Variants in CADM1 observed in about 807,000 individuals in gnomAD.
The protein encoded by CADM1 is TSLC-1.
In CADM1, 15 loss-of-function variants were observed where a neutral mutation model predicts 53.1. The observed-to-expected ratio is 0.28, with a 90% CI of 0.19 to 0.44. The LOEUF (loss-of-function observed/expected upper bound fraction) is 0.44, where lower values mean the gene tolerates loss of function less well. Among genes scored for constraint, CADM1 ranks in the 20% least tolerant of loss-of-function variants. The pLI is 1.00. For missense variants in CADM1, 434 were observed against 611.3 expected (o/e 0.71, Z 3.06); for synonymous variants, 281 against 243.0 (o/e 1.16, Z -1.45).
At chr11:115,254,454 G>T (rs2134987690) in intron 1 of CADM1, among the ~76,000 whole-genome samples, 1 of 151,712 alleles carries the variant, frequency 6.6e-6, no homozygotes, top group East Asian at 1.9e-4. Context: ...ATTTTCACAA[G>T]ACTCTTGGAA....
At chr11:115,219,250 C>T (rs560351718) in intron 5 of CADM1, among the ~76,000 whole-genome samples, 2 of 152,168 alleles carry the variant, frequency 1.3e-5, no homozygotes, top group South Asian at 2.1e-4. Flanking sequence ...AGAAATATTA[C>T]GGCAAGGCTC....
chr11:115,211,178 T>C (rs976623906), intron 7 of CADM1, among the ~76,000 whole-genome samples: 1 of 127,994 alleles, frequency 7.8e-6, no homozygotes, highest in Non-Finnish European at 1.9e-5. Context: ...ACACTTTTTA[T>C]GGAGGCCACA....
chr11:115,247,624 G>A (rs1429075988), intron 1 of CADM1, among the ~76,000 whole-genome samples: 5 of 152,152 alleles, frequency 3.3e-5, no homozygotes, highest in Non-Finnish European at 4.4e-5. Context: ...GATGCTTAGG[G>A]TGGTGGCTCA....
At chr11:115,454,298 C>A (rs544613460) in intron 1 of CADM1, among the ~76,000 whole-genome samples, 1 of 152,212 alleles carries the variant, frequency 6.6e-6, no homozygotes, top group East Asian at 1.9e-4. Flanking sequence ...CTAAAAATAG[C>A]AGAAGTAAAA....
At chr11:115,190,793 T>C in intron 10 of CADM1, 95 bp downstream of exon 10, 1 of 1,031,108 alleles carries the variant, frequency 9.7e-7, no homozygotes, top group African/African-American at 1.6e-5. Flanking sequence ...AAATCCACAC[T>C]GATTGCTCAG....
chr11:115,218,197 T>G, intron 5 of CADM1: 2 of 565,508 alleles, frequency 3.5e-6, no homozygotes, highest in Non-Finnish European at 6.5e-6. Context: ...CGCAAATAGA[T>G]AAGAGATTCA....
intron 1 of CADM1, among the ~76,000 whole-genome samples, chr11:115,338,877 A>ATTTTTTTTTTTTTTATTTTTTTTTT (rs56300408): frequency 2.4e-4 from 30 of 127,596 alleles, no homozygotes; most frequent in Non-Finnish European, 2.6e-4. Flanking sequence ...TATTTTTTTT[A>ATTTTTTTTTTTTTTATTTTTTTTTT]TTTTTTTTTT....
intron 1 of CADM1, among the ~76,000 whole-genome samples, chr11:115,348,009 G>A (rs1379502216): frequency 6.6e-6 from 1 of 152,136 alleles, no homozygotes; most frequent in Non-Finnish European, 1.5e-5. Flanking sequence ...CATATATTTT[G>A]AGGGAGTGCA....
intron 1 of CADM1, among the ~76,000 whole-genome samples, chr11:115,379,834 A>T (rs1054110685): frequency 6.6e-6 from 1 of 152,196 alleles, no homozygotes; most frequent in Admixed American, 6.5e-5. Context: ...TACAGAAACT[A>T]TATCAGTCAT....
chr11:115,280,868 G>A (rs999997434), intron 1 of CADM1, among the ~76,000 whole-genome samples: 1 of 152,166 alleles, frequency 6.6e-6, no homozygotes, highest in Non-Finnish European at 1.5e-5. Flanking sequence ...GATTAATGAC[G>A]AGGAATTCTA....
intron 1 of CADM1, among the ~76,000 whole-genome samples, chr11:115,447,769 G>A (rs2135340900): frequency 6.6e-6 from 1 of 152,262 alleles, no homozygotes; most frequent in Non-Finnish European, 1.5e-5. Flanking sequence ...ACCTTCTCAT[G>A]AATGGTTTTC....
intron 7 of CADM1, among the ~76,000 whole-genome samples, chr11:115,213,893 C>T (rs1332504696): frequency 1.3e-5 from 2 of 152,060 alleles, no homozygotes; most frequent in Non-Finnish European, 2.9e-5. Context: ...AGGAGGTGCA[C>T]ATCTCAACTA....
intron 1 of CADM1, among the ~76,000 whole-genome samples, chr11:115,368,775 C>A (rs965329360): frequency 6.6e-6 from 1 of 151,984 alleles, no homozygotes; most frequent in Non-Finnish European, 1.5e-5. Flanking sequence ...ACAGTACTGT[C>A]CAACAGAAGT....
At chr11:115,209,553 A>G (rs774884468) in intron 8 of CADM1, 21 bp downstream of exon 8, 7 of 1,391,260 alleles carry the variant, frequency 5.0e-6, no homozygotes, top group Middle Eastern at 2.2e-4. Flanking sequence ...GACATTTTCA[A>G]TGGTAATGAA....
chr11:115,231,569 G>C, intron 3 of CADM1, 79 bp from the exon 4 acceptor site: 1 of 1,314,974 alleles, frequency 7.6e-7, no homozygotes, highest in Non-Finnish European at 1.1e-6. Flanking sequence ...AAAAACAGTA[G>C]ACATTCCTGA....
At chr11:115,480,125 C>G (rs1028784320) in intron 1 of CADM1, among the ~76,000 whole-genome samples, 8 of 152,174 alleles carry the variant, frequency 5.3e-5, no homozygotes, top group Non-Finnish European at 8.8e-5. Flanking sequence ...ATATTCTCAT[C>G]TAATCCAGTA....
intron 1 of CADM1, among the ~76,000 whole-genome samples, chr11:115,307,289 T>C (rs1202773581): frequency 2.0e-5 from 3 of 151,824 alleles, no homozygotes; most frequent in Non-Finnish European, 4.4e-5. Context: ...TTTTAGCAAT[T>C]TTCCTTTGCA....
intron 1 of CADM1, among the ~76,000 whole-genome samples, chr11:115,408,405 G>A (rs532131848): frequency 6.6e-6 from 1 of 152,268 alleles, no homozygotes; most frequent in African/African-American, 2.4e-5. Context: ...TTCAAGATCT[G>A]GGACTGAAAC....
intron 1 of CADM1, among the ~76,000 whole-genome samples, chr11:115,391,836 TGCAGACAGGAAGATCAAC>T (rs1318759925): frequency 6.6e-6 from 1 of 152,160 alleles, no homozygotes; most frequent in Non-Finnish European, 1.5e-5. Flanking sequence ...CGCCCATGCA[TGCAGACAGGAAGATCAAC>T]TTACAGACCC....
Sources: allele counts gnomAD v4.1 joint callset (sites outside exome capture counted in the v4.1 genomes callset), GRCh38; gene constraint gnomAD v4.1.1; transcripts MANE v1.5; gene names NCBI Gene and HGNC (gene_info 2026-07-23, HGNC 2026-07-21).